Variants in OR13A1 observed in about 807,000 individuals in gnomAD.
The protein encoded by OR13A1 is olfactory receptor family 13 subfamily A member 1, also known as olfactory receptor 13A1.
OR13A1 carries 10 observed loss-of-function variants against 7.5 expected under a neutral mutation model. The observed-to-expected ratio is 1.34, with a 90% CI of 0.83 to 2.27. The LOEUF is 2.27. Ranked by LOEUF, OR13A1 falls within the 30% of genes most tolerant of loss-of-function variation. The pLI, the probability that OR13A1 is intolerant of heterozygous loss-of-function variation, is 0.00. For missense variants in OR13A1, 509 were observed against 419.1 expected, an observed-to-expected ratio of 1.21 and a Z score of -1.87; for synonymous variants, 238 against 177.9, an observed-to-expected ratio of 1.34 and a Z score of -2.69.
At chr10:45,313,367 G>A (rs1375034225) in intron 1 of OR13A1, among the ~76,000 whole-genome samples, 2 of 151,716 alleles carry the variant, frequency 1.3e-5, no homozygotes, top group Non-Finnish European at 2.9e-5. Flanking sequence ...AGTAAGAGAA[G>A]GAATAAAAAA....
At chr10:45,311,522 C>G (rs1838446765) in intron 1 of OR13A1, among the ~76,000 whole-genome samples, 2 of 152,024 alleles carry the variant, frequency 1.3e-5, no homozygotes, top group African/African-American at 4.8e-5. Flanking sequence ...AATATCCATA[C>G]TAGGTATAAT....
rs781324890 is a variant in OR13A1, at chr10:45,303,194, A to T, written c.*242T>A. On this transcript the variant is annotated 3_prime_UTR_variant, in exon 4 of 4. Transcript: ENST00000553795. ...TCCTAGGCCCTGTGTTTCTCTGCCA[A>T]CTCAGCACTGACACCACCTTGGAGT... 23 of 498,948 alleles carry T rather than the reference A, an allele frequency of 4.6e-5. No individual in the cohort carries two copies. The highest frequency in any genetic ancestry group is 8.1e-5 in the Non-Finnish European group (23 of 284,086). The allele number at this position is 498,948 out of a possible 1,614,324, so 30.9% of individuals were successfully genotyped here.
chr10:45,304,095 T>C lies in OR13A1; in HGVS notation c.328A>G (p.Ile110Val), dbSNP rs1357337562. 1.2e-6 allele frequency: 2 copies of C among 1,614,106 alleles called. No individual in the cohort carries two copies. Among genetic ancestry groups the C allele is most frequent in the Non-Finnish European group, 1.7e-6 (2 of 1,179,980 alleles). Reference protein sequence around the residue: ...LASLVSEESSISYGGCMAQLY... With the variant: ...LASLVSEESSVSYGGCMAQLY... Reference sequence around the variant, plus strand: ...TGGGCCATGCAGCCCCCGTAGGAGATGGAGCTCTCTTCCGACACCAGACTG... The same window carrying C: ...TGGGCCATGCAGCCCCCGTAGGAGACGGAGCTCTCTTCCGACACCAGACTG... The change falls in exon 4 of 4, where the codon ATC (isoleucine) becomes GTC (valine). Residue 110 changes from isoleucine (I) to valine (V), a missense_variant. By Grantham distance (29) the Ile-to-Val change is conservative. Transcript: ENST00000553795.
At chr10:45,309,636 T>A (rs1014254849) in intron 1 of OR13A1, among the ~76,000 whole-genome samples, 30 of 152,166 alleles carry the variant, frequency 2.0e-4, no homozygotes, top group Admixed American at 1.8e-3. Flanking sequence ...ATGAAAAGCC[T>A]TATCGCCTTA....
At chr10:45,302,501 T>C (rs148076289), downstream of OR13A1, 10 of 152,298 alleles carry the variant, frequency 6.6e-5, no homozygotes, top group East Asian at 1.7e-3. Context: ...AACCATCCCA[T>C]CTAAATCAAA....
At chr10:45,313,049 C>A (rs1838469893) in intron 1 of OR13A1, among the ~76,000 whole-genome samples, 1 of 152,034 alleles carries the variant, frequency 6.6e-6, no homozygotes, top group Admixed American at 6.6e-5. Flanking sequence ...ACTTTTAATT[C>A]TTGTATAGAA....
intron 3 of OR13A1, 107 bp from the exon 4 acceptor site, chr10:45,304,541 G>A (rs1040668378): frequency 1.1e-6 from 1 of 914,414 alleles, no homozygotes; most frequent in African/African-American, 1.7e-5. Context: ...TATTGATTAA[G>A]ATAAACACCC....
In OR13A1 at chr10:45,304,021, C is replaced by A. The variant is rs145138806; in HGVS notation, c.402G>T (p.Thr134=). The A allele has an allele frequency of 3.1e-6, 5 of 1,612,886 alleles. No homozygotes were observed. The highest frequency in any genetic ancestry group is 3.4e-6 in the Non-Finnish European group (4 of 1,179,212). ...CTGCGTACCGGTCATAGGCCATGAC[C>A]GTGAGGAGCAGCAGCTCTGAGGATG... The part of the protein sequence containing the change: ...WAASSELLLL[T]VMAYDRYAAI... Residue 134 remains threonine (T), a synonymous_variant, in exon 4 of 4, where the codon ACG becomes ACT. Coordinates refer to ENST00000553795, the MANE Select transcript of OR13A1 (RefSeq NM_001004297.3).
Position 45,303,804 on chromosome 10 carries a change from A to G in OR13A1, c.619T>C (p.Cys207Arg). The change falls in exon 4 of 4, where the codon TGC becomes CGC. Residue 207 changes from cysteine (C) to arginine (R), a missense_variant. Transcript: ENST00000553795. ...CEVPPLLLLS[C>R]SSTYVNGVMI... ...ACACCGTTGACGTAGGTGGAGCTGC[A>G]GGAGAGAAGCAGCAGGGGAGGGACC... 6.2e-7 allele frequency: 1 copy of G among 1,613,646 alleles called. No homozygotes were observed. The highest frequency in any genetic ancestry group is 8.5e-7 in the Non-Finnish European group (1 of 1,180,034).
Position 45,303,055 on chromosome 10 carries a change from C to A in OR13A1, c.*381G>T. 5.9e-6 allele frequency: 1 copy of A among 170,134 alleles called. No individual in the cohort carries two copies. The highest frequency in any genetic ancestry group is 5.9e-5 in the Admixed American group (1 of 16,980). The allele number at this position is 170,134 out of a possible 1,614,324, so 10.5% of individuals were successfully genotyped here. On this transcript the variant is annotated 3_prime_UTR_variant, in exon 4 of 4. Coordinates refer to ENST00000553795, the MANE Select transcript of OR13A1 (RefSeq NM_001004297.3). Reference sequence around the variant, plus strand: ...CACAATTCTGCCTAACTTTTTAGACCCACACAGCTGAATTCTAGGTGTGAT... The same window carrying A: ...CACAATTCTGCCTAACTTTTTAGACACACACAGCTGAATTCTAGGTGTGAT...
At chr10:45,307,396 C>G (rs1838353850) in intron 3 of OR13A1, 30 bp downstream of exon 3, 1 of 152,182 alleles carries the variant, frequency 6.6e-6, no homozygotes, top group Non-Finnish European at 1.5e-5. Flanking sequence ...TATTCACATT[C>G]AAGGAGCAAA....
chr10:45,312,196 A>T (rs1322848324), intron 1 of OR13A1, among the ~76,000 whole-genome samples: 2 of 152,146 alleles, frequency 1.3e-5, no homozygotes, highest in Non-Finnish European at 2.9e-5. Context: ...AATTTGAATG[A>T]ATAATGGCTA....
rs1268433152 is a variant in OR13A1 at position 45,304,453 on chromosome 10, G to T, written c.-12-19C>A. On this transcript the variant is annotated intron_variant, in intron 3 of 3. Transcript: ENST00000553795. ...TTCAGAGCTAGAGAGATAAACAAGA[G>T]GTGTCCTGAGGAAGGCTGCTCCCGT... The T allele has an allele frequency of 6.3e-7, 1 of 1,582,526 alleles. No homozygotes were observed. The highest frequency in any genetic ancestry group is 1.2e-5 in the South Asian group (1 of 85,588).
At position 45,303,820 on chromosome 10, in the gene OR13A1, G is replaced by T; in HGVS notation, c.603C>A (p.Pro201=). ...TGGAGCTGCAGGAGAGAAGCAGCAGGGGAGGGACCTCGCAGAAGAAATGGA... is the reference window on the plus strand; with the variant it reads ...TGGAGCTGCAGGAGAGAAGCAGCAGTGGAGGGACCTCGCAGAAGAAATGGA... The part of the protein sequence containing the change: ...VIIHFFCEVP[P]LLLLSCSSTY... The change falls in exon 4 of 4, where the codon CCC becomes CCA. Residue 201 remains proline (P), a synonymous_variant. Coordinates refer to ENST00000553795, the MANE Select transcript of OR13A1 (RefSeq NM_001004297.3). The T allele has an allele frequency of 6.2e-7, 1 of 1,613,226 alleles. No individual in the cohort carries two copies.
intron 3 of OR13A1, among the ~76,000 whole-genome samples, chr10:45,305,969 AC>A: frequency 6.6e-6 from 1 of 152,144 alleles, no homozygotes; most frequent in Non-Finnish European, 1.5e-5. Context: ...CCTTCTTGGC[AC>A]CCAGCCCCCT....
In OR13A1 at chr10:45,303,597, C is replaced by T. The variant is rs532742635; in HGVS notation, c.826G>A (p.Ala276Thr). Reference sequence around the variant, plus strand: ...TAGCCAGAGACCGGGCTTATGTAGGCGTAGAAGACAGCGGTGTAATACATG... The same window carrying T: ...TAGCCAGAGACCGGGCTTATGTAGGTGTAGAAGACAGCGGTGTAATACATG... ...VCMYYTAVFY[A>T]YISPVSGYSA... Residue 276 changes from alanine (A) to threonine (T), a missense_variant, in exon 4 of 4, where the codon GCC (alanine) becomes ACC (threonine). Ala to Thr is a moderately conservative substitution (Grantham distance 58, BLOSUM62 0). Coordinates refer to ENST00000553795, the MANE Select transcript of OR13A1 (RefSeq NM_001004297.3). 24 of 1,613,966 alleles carry T rather than the reference C, an allele frequency of 1.5e-5. No individual in the cohort carries two copies. Among genetic ancestry groups the T allele is most frequent in the South Asian group, 3.3e-5 (3 of 91,090 alleles).
At chr10:45,311,958 A>T (rs1838454940) in intron 1 of OR13A1, among the ~76,000 whole-genome samples, 1 of 152,226 alleles carries the variant, frequency 6.6e-6, no homozygotes, top group South Asian at 2.1e-4. Context: ...TAGAGATGAA[A>T]ACTACAATGT....
In OR13A1 at chr10:45,303,696, T is replaced by A; in HGVS notation, c.727A>T (p.Ile243Phe). Residue 243 changes from isoleucine to phenylalanine, a missense_variant, in exon 4 of 4, where the codon ATC becomes TTC. By Grantham distance (21) the Ile-to-Phe change is conservative. Coordinates refer to ENST00000553795, the MANE Select transcript of OR13A1 (RefSeq NM_001004297.3). The part of the protein sequence containing the change: ...IASYGFIVSS[I>F]LKVKTAWGRQ... ...CCCCAGGCAGTCTTCACCTTCAGGATGCTGGAGACGATGAAGCCATAGGAC... is the reference window on the plus strand; with the variant it reads ...CCCCAGGCAGTCTTCACCTTCAGGAAGCTGGAGACGATGAAGCCATAGGAC... The A allele has an allele frequency of 6.2e-7, 1 of 1,614,224 alleles. No individual in the cohort carries two copies. Among genetic ancestry groups the A allele is most frequent in the Non-Finnish European group, 8.5e-7 (1 of 1,180,046 alleles).
intron 1 of OR13A1, among the ~76,000 whole-genome samples, chr10:45,314,758 A>T (rs988020874): frequency 6.6e-6 from 1 of 152,166 alleles, no homozygotes; most frequent in Non-Finnish European, 1.5e-5. Flanking sequence ...AATCAAAAGG[A>T]TTATAAGAAA....
Sources: allele counts gnomAD v4.1 joint callset (sites outside exome capture counted in the v4.1 genomes callset), GRCh38; gene constraint gnomAD v4.1.1; transcripts MANE v1.5; gene names NCBI Gene and HGNC (gene_info 2026-07-23, HGNC 2026-07-21).